TEX29: variants seen among roughly 807,000 people sequenced by gnomAD.
TEX29 encodes the protein testis expressed 29.
In TEX29, 26 loss-of-function variants were observed where a neutral mutation model predicts 18.2. The observed-to-expected ratio is 1.43, with a 90% CI of 1.04 to 1.98. The LOEUF is 1.98. Among genes scored for constraint, TEX29 ranks in the 30% most tolerant of loss-of-function variants. The pLI is 0.00. For synonymous variants in TEX29, 83 were observed against 78.5 expected, an observed-to-expected ratio of 1.06 and a Z score of -0.31; for missense variants, 177 against 194.2, an observed-to-expected ratio of 0.91 and a Z score of 0.53.
In TEX29 at chr13:111,327,599, G is replaced by A. The variant is rs562027261; in HGVS notation, c.59-584G>A. ...CAAGGCAGCCACATCCCTCGGGGCT[G>A]AACATGTGTGAGGCTGCTGAACTCC... is the stretch of plus-strand genomic sequence containing the variant. On this transcript the variant is annotated intron_variant, in intron 2 of 5. Transcript: ENST00000283547. Among the ~76,000 whole-genome samples, 60 of 152,328 alleles carry A rather than the reference G, an allele frequency of 3.9e-4. No homozygotes were observed. The East Asian group carries it at 0.011, about 28-fold the overall frequency.
At chr13:111,332,832 C>T (rs765103166) in intron 3 of TEX29, among the ~76,000 whole-genome samples, 1 of 152,144 alleles carries the variant, frequency 6.6e-6, no homozygotes, top group African/African-American at 2.4e-5. Flanking sequence ...CTTAATGGTG[C>T]TCTTTATTAC....
chr13:111,325,920 TGTCACCTGGAGCAA>T (rs1333002585), intron 2 of TEX29, among the ~76,000 whole-genome samples: 5 of 152,278 alleles, frequency 3.3e-5, no homozygotes, highest in African/African-American at 1.2e-4. Flanking sequence ...AAACATCCGC[TGTCACCTGGAGCAA>T]GTCTTCAGAA....
At chr13:111,323,891 G>A (rs2093668700) in intron 2 of TEX29, among the ~76,000 whole-genome samples, 1 of 152,216 alleles carries the variant, frequency 6.6e-6, no homozygotes, top group Non-Finnish European at 1.5e-5. Context: ...CTCCTTCCGT[G>A]TTCTGATGCT....
chr13:111,342,043 G>A (rs1440074193), intron 4 of TEX29, among the ~76,000 whole-genome samples: 1 of 152,212 alleles, frequency 6.6e-6, no homozygotes, highest in African/African-American at 2.4e-5. Context: ...GTGTCTCAGA[G>A]ATGAGTCCAC....
At chr13:111,339,765 A>C in intron 3 of TEX29, 98 bp from the exon 4 acceptor site, 6 of 1,206,454 alleles carry the variant, frequency 5.0e-6, no homozygotes, top group Non-Finnish European at 7.3e-6. Flanking sequence ...CCGCGCCGGG[A>C]GGGCCCGCAC....
chr13:111,331,999 GTTC>G (rs1342003888), intron 3 of TEX29, among the ~76,000 whole-genome samples: 3 of 152,118 alleles, frequency 2.0e-5, no homozygotes, highest in Non-Finnish European at 4.4e-5. Flanking sequence ...CTTCAACTTT[GTTC>G]TTCTTTTTCA....
intron 2 of TEX29, among the ~76,000 whole-genome samples, chr13:111,326,072 T>G (rs2093672394): frequency 6.6e-6 from 1 of 152,234 alleles, no homozygotes; most frequent in Admixed American, 6.5e-5. Flanking sequence ...CAGAGGTCTC[T>G]GTGGATCCCG....
intron 2 of TEX29, 56 bp downstream of exon 2, chr13:111,321,004 G>GGC: frequency 2.2e-5 from 12 of 545,378 alleles, no homozygotes; most frequent in Admixed American, 1.0e-4. Flanking sequence ...TTGGGGGGGG[G>GGC]CACAGGGAGG....
chr13:111,320,615 T>C (rs1271002716), upstream of TEX29: 1 of 536,510 alleles, frequency 1.9e-6, no homozygotes. Context: ...GGCGGGGTGG[T>C]GTGTGCCCAG....
intron 2 of TEX29, 42 bp downstream of exon 2, chr13:111,320,990 G>GGGGC: frequency 2.5e-6 from 1 of 404,332 alleles, no homozygotes; most frequent in Non-Finnish European, 4.5e-6. Flanking sequence ...GGGTGGGGGA[G>GGGGC]CAGTTGGGGG....
At chr13:111,331,316 A>ATT (rs56208500) in intron 3 of TEX29, among the ~76,000 whole-genome samples, 11 of 131,034 alleles carry the variant, frequency 8.4e-5, no homozygotes, top group African/African-American at 2.6e-4. Context: ...CCATTGTTGC[A>ATT]TTTTTTTTTT....
At chr13:111,333,955 A>C (rs921240921) in intron 3 of TEX29, among the ~76,000 whole-genome samples, 1 of 152,240 alleles carries the variant, frequency 6.6e-6, no homozygotes, top group Non-Finnish European at 1.5e-5. Flanking sequence ...GCCAAATCAT[A>C]TCAATAAAAT....
At chr13:111,316,405 C>T (rs1351177143), upstream of TEX29, 9 of 407,738 alleles carry the variant, frequency 2.2e-5, no homozygotes, top group East Asian at 4.3e-4. Flanking sequence ...CTGTCCCATG[C>T]GCAGCTCCTC....
intron 4 of TEX29, 63 bp from the exon 5 acceptor site, chr13:111,342,693 G>A: frequency 6.5e-7 from 1 of 1,535,372 alleles, no homozygotes; most frequent in Admixed American, 1.8e-5. Context: ...GGGTGGGAGG[G>A]AGGAACTGGA....
chr13:111,328,321 G>A, intron 3 of TEX29, 28 bp downstream of exon 3: 3 of 1,552,008 alleles, frequency 1.9e-6, no homozygotes, highest in Non-Finnish European at 2.7e-6. Context: ...CCACCCCGTG[G>A]CGGAAGCCGA....
intron 3 of TEX29, among the ~76,000 whole-genome samples, chr13:111,335,083 C>A (rs978312363): frequency 2.0e-5 from 3 of 152,222 alleles, no homozygotes; most frequent in Non-Finnish European, 1.5e-5. Flanking sequence ...TTCTGAAAAA[C>A]TTTCCTCTGG....
At chr13:111,336,443 T>C (rs1016150444) in intron 3 of TEX29, among the ~76,000 whole-genome samples, 1 of 152,244 alleles carries the variant, frequency 6.6e-6, no homozygotes, top group Non-Finnish European at 1.5e-5. Context: ...CTTCTTAAAT[T>C]GGCTGGTTTG....
Position 111,320,868 on chromosome 13 carries a change from C to A in TEX29, c.-23C>A. 1 of 1,613,610 alleles carries A rather than the reference C, an allele frequency of 6.2e-7. No individual in the cohort carries two copies. Among genetic ancestry groups the A allele is most frequent in the Non-Finnish European group, 8.5e-7 (1 of 1,179,926 alleles). On this transcript the variant is annotated 5_prime_UTR_variant, in exon 2 of 6. Coordinates refer to ENST00000283547, the MANE Select transcript of TEX29 (RefSeq NM_152324.3). ...CTCCTGTTTTCCAGGTGTGCTCGGC[C>A]CCTTCATCTGTCAGCTGCAGCAATG... is the stretch of plus-strand genomic sequence containing the variant.
intron 3 of TEX29, among the ~76,000 whole-genome samples, chr13:111,330,152 T>A (rs1360546284): frequency 6.6e-6 from 1 of 152,146 alleles, no homozygotes; most frequent in Non-Finnish European, 1.5e-5. Context: ...TTAAAACTCA[T>A]TTTCAGGCTA....
Sources: gnomAD v4.1 joint callset for allele counts (sites outside exome capture counted in the v4.1 genomes callset) on GRCh38, gnomAD v4.1.1 for gene constraint, MANE v1.5 for transcripts, NCBI Gene and HGNC (gene_info 2026-07-23, HGNC 2026-07-21) for gene names.